Variants in LIPM observed in about 807,000 individuals in gnomAD.
The protein encoded by LIPM is lipase member M.
A neutral mutation model predicts 42.4 loss-of-function variants in LIPM; 42 were observed. That is an observed-to-expected ratio of 0.99 (90% CI 0.77 to 1.28). The LOEUF (loss-of-function observed/expected upper bound fraction) is 1.28. Ranked by LOEUF, LIPM falls within the 50% of genes most tolerant of loss-of-function variation. The pLI, the probability that LIPM is intolerant of heterozygous loss-of-function variation, is 0.00. For missense variants in LIPM, 524 were observed against 520.1 expected (o/e 1.01, Z -0.07); for synonymous variants, 177 against 173.3 (o/e 1.02, Z -0.17).
At chr10:88,807,710 T>A (rs1443326833) in intron 1 of LIPM, among the ~76,000 whole-genome samples, 1 of 152,214 alleles carries the variant, frequency 6.6e-6, no homozygotes, top group Non-Finnish European at 1.5e-5. Context: ...TAGGAATCAA[T>A]GCTCTTGAGT....
intron 6 of LIPM, 51 bp downstream of exon 6, chr10:88,815,554 C>A: frequency 6.6e-7 from 1 of 1,511,062 alleles, no homozygotes; most frequent in South Asian, 1.2e-5. Flanking sequence ...AGCTGGGAGT[C>A]ATATGGCTCA....
intron 7 of LIPM, among the ~76,000 whole-genome samples, 171 bp from the exon 8 acceptor site, chr10:88,817,654 C>G (rs1843733467): frequency 6.6e-6 from 1 of 152,168 alleles, no homozygotes; most frequent in Admixed American, 6.5e-5. Context: ...AGGCCTCATT[C>G]TTGTCTTACC....
At chr10:88,814,487 C>T (rs762435800) in intron 3 of LIPM, 43 bp from the exon 4 acceptor site, 11 of 1,391,672 alleles carry the variant, frequency 7.9e-6, no homozygotes. Context: ...TTGTTTGTTT[C>T]TGATTATAAT....
chr10:88,817,442 C>A (rs1020469490), intron 7 of LIPM, among the ~76,000 whole-genome samples: 50 of 152,216 alleles, frequency 3.3e-4, no homozygotes, highest in African/African-American at 1.2e-3. Context: ...ACCATCAAAA[C>A]CAGAGAAGAA....
In LIPM at chr10:88,802,768, A is replaced by G. The variant is rs1173489461; in HGVS notation, c.-129A>G. ...TTTCCCTACCAACTAAGCTTGCCTA[A>G]TTTGCTTCAGAATTGGAAGAGGGAA... is the stretch of plus-strand genomic sequence containing the variant. On this transcript the variant is annotated 5_prime_UTR_variant, in exon 1 of 9. Transcript: ENST00000404743. 1.3e-5 allele frequency: 12 copies of G among 956,486 alleles called. No homozygotes were observed. In the African/African-American group the frequency reaches 2.0e-4, roughly 16 times the overall value. The allele number at this position is 956,486 out of a possible 1,614,324, so 59.2% of individuals were successfully genotyped here.
At chr10:88,811,935 G>A (rs937967501) in intron 2 of LIPM, among the ~76,000 whole-genome samples, 8 of 152,070 alleles carry the variant, frequency 5.3e-5, no homozygotes, top group South Asian at 4.1e-4. Context: ...TGTTTAATTC[G>A]TAGTCTATAT....
At chr10:88,815,039 A>G in intron 4 of LIPM, 49 bp from the exon 5 acceptor site, 1 of 1,480,704 alleles carries the variant, frequency 6.8e-7, no homozygotes, top group Non-Finnish European at 9.0e-7. Context: ...ACATTTTATG[A>G]GTTCTAAAAA....
intron 8 of LIPM, among the ~76,000 whole-genome samples, chr10:88,819,456 G>T (rs1002196308): frequency 2.6e-5 from 4 of 152,188 alleles, no homozygotes; most frequent in African/African-American, 9.7e-5. Context: ...AGAGAAACCA[G>T]AGCATCTAGG....
intron 6 of LIPM, among the ~76,000 whole-genome samples, chr10:88,816,226 A>T (rs1843717049): frequency 6.6e-6 from 1 of 152,194 alleles, no homozygotes; most frequent in Admixed American, 6.5e-5. Flanking sequence ...ATCTGCCTAC[A>T]ATTGGTGCAA....
intron 6 of LIPM, 84 bp from the exon 7 acceptor site, chr10:88,816,732 T>G (rs923102333): frequency 1.5e-5 from 13 of 841,528 alleles, no homozygotes; most frequent in Non-Finnish European, 2.4e-5. Context: ...TTTCTTAGTC[T>G]GACACCCTGG....
chr10:88,803,680 A>G (rs1843554758), intron 1 of LIPM, among the ~76,000 whole-genome samples: 1 of 143,002 alleles, frequency 7.0e-6, no homozygotes, highest in Non-Finnish European at 1.5e-5. Context: ...AGTAATGGTC[A>G]CCCTATGGTA....
At chr10:88,811,048 T>C (rs1429318866) in intron 2 of LIPM, among the ~76,000 whole-genome samples, 2 of 152,176 alleles carry the variant, frequency 1.3e-5, no homozygotes, top group Non-Finnish European at 1.5e-5. Flanking sequence ...ACACGTTCTC[T>C]CCCTTGAGAG....
At chr10:88,805,371 C>A (rs1302496183) in intron 1 of LIPM, among the ~76,000 whole-genome samples, 1 of 152,200 alleles carries the variant, frequency 6.6e-6, no homozygotes, top group Non-Finnish European at 1.5e-5. Flanking sequence ...AAGGTCAGCA[C>A]ATAGGACAGC....
chr10:88,817,902 A>C lies in LIPM; in HGVS notation c.1002+6A>C, dbSNP rs2133062899. ...ATCTGGAAAAATGCAATCAGGTAAG[A>C]AAATCAAATACCATCTGCTGAAAAT... On this transcript the variant is annotated splice_donor_region_variant and intron_variant, in intron 8 of 8. Transcript: ENST00000404743. 1 of 1,547,168 alleles carries C rather than the reference A, an allele frequency of 6.5e-7. No individual in the cohort carries two copies. The highest frequency in any genetic ancestry group is 1.4e-5 in the African/African-American group (1 of 73,102).
intron 1 of LIPM, among the ~76,000 whole-genome samples, chr10:88,805,152 A>G (rs549838291): frequency 1.6e-4 from 24 of 152,356 alleles, no homozygotes; most frequent in Admixed American, 1.4e-3. Context: ...CTAAGGTTAG[A>G]CAGATCTAAG....
Position 88,815,105 on chromosome 10 carries a change from A to C in LIPM, c.592A>C (p.Thr198Pro). Residue 198 changes from threonine to proline, a missense_variant, in exon 5 of 9, where the codon ACC becomes CCC. Coordinates refer to ENST00000404743, the MANE Select transcript of LIPM (RefSeq NM_001128215.1). ...GTTMGFIAFS[T>P]MPELAQKIKM... is the part of the protein sequence containing the mutation. ...TTTTGCAGGCTTTATTGCATTTTCC[A>C]CCATGCCAGAGCTGGCTCAGAAAAT... 1 of 1,545,896 alleles carries C rather than the reference A, an allele frequency of 6.5e-7. No individual in the cohort carries two copies.
intron 3 of LIPM, 119 bp from the exon 4 acceptor site, chr10:88,814,411 C>A (rs982657658): frequency 3.0e-6 from 2 of 657,476 alleles, no homozygotes; most frequent in East Asian, 5.5e-5. Context: ...GTGAGGGACA[C>A]GGTAACAAGC....
Position 88,816,858 on chromosome 10 carries a change from T to C in LIPM, c.901T>C (p.Ser301Pro). 1 of 1,551,514 alleles carries C rather than the reference T, an allele frequency of 6.4e-7. No individual in the cohort carries two copies. The highest frequency in any genetic ancestry group is 8.7e-7 in the Non-Finnish European group (1 of 1,146,854). ...TGCTGCCCACACTCTTGCTGGAACA[T>C]CTGTGCAAAATATTCTACACTGGAG... Reference protein sequence around the residue: ...VYAAHTLAGTSVQNILHWSQA... With the variant: ...VYAAHTLAGTPVQNILHWSQA... The change falls in exon 7 of 9, where the codon TCT (serine) becomes CCT (proline). Residue 301 changes from serine (S) to proline (P), a missense_variant. Coordinates refer to ENST00000404743, the MANE Select transcript of LIPM (RefSeq NM_001128215.1).
intron 1 of LIPM, among the ~76,000 whole-genome samples, chr10:88,807,500 T>C (rs771548458): frequency 9.9e-5 from 15 of 152,178 alleles, no homozygotes; most frequent in African/African-American, 2.9e-4. Flanking sequence ...TTAGAAGATA[T>C]TTGCAGCTAC....
Sources: allele counts gnomAD v4.1 joint callset (sites outside exome capture counted in the v4.1 genomes callset), GRCh38; gene constraint gnomAD v4.1.1; transcripts MANE v1.5; gene names NCBI Gene and HGNC (gene_info 2026-07-23, HGNC 2026-07-21).